SDK2: variants seen among roughly 807,000 people sequenced by gnomAD.
SDK2 encodes protein sidekick-2.
In SDK2, 105 loss-of-function variants were observed where a neutral mutation model predicts 253.9. That is an observed-to-expected ratio of 0.41 (90% confidence interval 0.35 to 0.49). The LOEUF (loss-of-function observed/expected upper bound fraction) is 0.49, where lower values mean the gene tolerates loss of function less well. Ranked by LOEUF, SDK2 falls within the 20% of genes least tolerant of loss-of-function variation. SDK2 has a pLI of 0.06. For missense variants in SDK2, 2,608 were observed against 3,003.0 expected, an observed-to-expected ratio of 0.87 and a Z score of 3.07; for synonymous variants, 1,249 against 1,234.9, an observed-to-expected ratio of 1.01 and a Z score of -0.24.
At chr17:73,355,801 C>A (rs2062587838) in intron 40 of SDK2, among the ~76,000 whole-genome samples, 1 of 152,218 alleles carries the variant, frequency 6.6e-6, no homozygotes, top group South Asian at 2.1e-4. Flanking sequence ...ATAAATGGAA[C>A]CTTTCCTCCC....
chr17:73,444,135 C>T (rs2063435208), intron 5 of SDK2, among the ~76,000 whole-genome samples: 2 of 152,142 alleles, frequency 1.3e-5, no homozygotes, highest in Admixed American at 1.3e-4. Context: ...CCTGCCTGTG[C>T]AGGGAAGAGC....
chr17:73,489,559 C>T (rs1327794930), intron 2 of SDK2, among the ~76,000 whole-genome samples: 4 of 152,148 alleles, frequency 2.6e-5, no homozygotes, highest in Admixed American at 2.6e-4. Flanking sequence ...ATTCACCAGG[C>T]TCTGGGTTTC....
chr17:73,575,172 T>C (rs1272850631), intron 1 of SDK2, among the ~76,000 whole-genome samples: 1 of 152,206 alleles, frequency 6.6e-6, no homozygotes, highest in Non-Finnish European at 1.5e-5. Context: ...GGCAGGCTGC[T>C]GAAGCTCCCT....
At chr17:73,575,981 G>A (rs989862388) in intron 1 of SDK2, among the ~76,000 whole-genome samples, 3 of 152,210 alleles carry the variant, frequency 2.0e-5, no homozygotes, top group African/African-American at 7.2e-5. Context: ...CTGAGCTGGG[G>A]GCCGTGGGGG....
intron 1 of SDK2, among the ~76,000 whole-genome samples, chr17:73,510,872 C>T (rs138431082): frequency 1.7e-3 from 257 of 152,316 alleles, no homozygotes; most frequent in African/African-American, 5.7e-3. Context: ...GTCAGGTGAA[C>T]GCAGCGTCTT....
intron 1 of SDK2, among the ~76,000 whole-genome samples, chr17:73,531,846 T>C (rs1452534930): frequency 1.3e-5 from 2 of 152,172 alleles, no homozygotes; most frequent in South Asian, 2.1e-4. Flanking sequence ...CCACACACCC[T>C]TTCCCCCAGG....
Position 73,447,838 on chromosome 17 carries a change from GACCAT to G in SDK2, c.480-95_480-91del. On this transcript the variant is annotated intron_variant, in intron 4 of 44. Transcript: ENST00000392650. This position sits in a 1 kb window ranked among gnomAD's most constrained non-coding sequence, Gnocchi z 4.0. ...AGTGGAAACCCTAAGGGGGAAGCCC[GACCAT>G]ATCTCCCAGTCCCCAGCCTCCCAGG... 6.8e-7 allele frequency: 1 copy of G among 1,461,232 alleles called. No homozygotes were observed. Among genetic ancestry groups the G allele is most frequent in the Non-Finnish European group, 9.3e-7 (1 of 1,073,116 alleles). The allele number at this position is 1,461,232 out of a possible 1,614,324, so 90.5% of individuals were successfully genotyped here.
chr17:73,402,194 C>T, intron 18 of SDK2, 53 bp from the exon 19 acceptor site: 2 of 1,560,014 alleles, frequency 1.3e-6, no homozygotes, highest in South Asian at 1.2e-5. Flanking sequence ...CCAGAGGAGG[C>T]CAAGCCCTCT....
chr17:73,600,373 T>C (rs1599715585), intron 1 of SDK2, among the ~76,000 whole-genome samples: 1 of 152,228 alleles, frequency 6.6e-6, no homozygotes, highest in Non-Finnish European at 1.5e-5. Context: ...ACAAGGGCAG[T>C]AATTTGTTCA....
chr17:73,405,053 G>T (rs777895400), intron 18 of SDK2, among the ~76,000 whole-genome samples: 8 of 149,132 alleles, frequency 5.4e-5, no homozygotes, highest in Non-Finnish European at 1.0e-4. Context: ...TTTCAGGGAG[G>T]AGCAGGTGAA....
rs112593359 is a variant in SDK2 at position 73,465,498 on chromosome 17, G to C, written c.331+6614C>G. The stretch of plus-strand genomic sequence containing the variant: ...CGAGGTCCTCTGCCACCTCCGGAAG[G>C]CTCTCCCAACCCTCTTAGCCATTCA... On this transcript the variant is annotated intron_variant, in intron 3 of 44. Coordinates refer to ENST00000392650, the MANE Select transcript of SDK2 (RefSeq NM_001144952.2). The surrounding 1 kb of genome is among the most constrained non-coding windows in gnomAD (Gnocchi z 4.2). Among the ~76,000 whole-genome samples, 1 of 151,996 alleles carries C rather than the reference G, an allele frequency of 6.6e-6. No individual in the cohort carries two copies. The highest frequency in any genetic ancestry group is 1.5e-5 in the Non-Finnish European group (1 of 68,022).
intron 1 of SDK2, among the ~76,000 whole-genome samples, chr17:73,622,161 AGAAGGCTTTGCCCAGG>A (rs1485547264): frequency 6.6e-6 from 1 of 152,256 alleles, no homozygotes; most frequent in Non-Finnish European, 1.5e-5. Context: ...CCCAAACTTC[AGAAGGCTTTGCCCAGG>A]CTCATTCCTG....
intron 1 of SDK2, among the ~76,000 whole-genome samples, chr17:73,636,505 T>C (rs1270700661): frequency 2.0e-5 from 3 of 151,748 alleles, no homozygotes; most frequent in African/African-American, 7.3e-5. Flanking sequence ...CTGGCCAACA[T>C]GGTGAAACCC....
chr17:73,500,294 A>G (rs559128869), intron 2 of SDK2, among the ~76,000 whole-genome samples: 1 of 72,482 alleles, frequency 1.4e-5, no homozygotes, highest in Non-Finnish European at 2.6e-5. Context: ...TCCTCCTTCC[A>G]TCTCCTCCAT....
chr17:73,542,055 T>C (rs1452135994), intron 1 of SDK2, among the ~76,000 whole-genome samples: 1 of 152,216 alleles, frequency 6.6e-6, no homozygotes, highest in Non-Finnish European at 1.5e-5. Flanking sequence ...AACTGCCAAG[T>C]GTCATACAAT....
At chr17:73,550,115 C>CA (rs758894523) in intron 1 of SDK2, among the ~76,000 whole-genome samples, 5 of 152,184 alleles carry the variant, frequency 3.3e-5, no homozygotes, top group Non-Finnish European at 7.3e-5. Context: ...CCCTTTCCTG[C>CA]ATGGCAGGTC....
intron 1 of SDK2, among the ~76,000 whole-genome samples, chr17:73,601,708 G>A (rs1201394207): frequency 1.3e-5 from 2 of 151,910 alleles, no homozygotes; most frequent in East Asian, 1.9e-4. Flanking sequence ...CCCTGCCGAC[G>A]ACACCTTGAT....
At chr17:73,451,970 C>G (rs868640885) in intron 4 of SDK2, among the ~76,000 whole-genome samples, 3 of 152,206 alleles carry the variant, frequency 2.0e-5, no homozygotes, top group African/African-American at 7.2e-5. Flanking sequence ...AGCCACACCC[C>G]CTGGTTTCAA....
intron 16 of SDK2, among the ~76,000 whole-genome samples, chr17:73,418,286 G>A (rs759526098): frequency 3.9e-5 from 6 of 152,202 alleles, no homozygotes; most frequent in African/African-American, 7.2e-5. Context: ...GATTACAGGC[G>A]TGAAACACCA....
Sources: gnomAD v4.1 joint callset for allele counts (sites outside exome capture counted in the v4.1 genomes callset) on GRCh38, gnomAD v4.1.1 for gene constraint, Gnocchi (gnomAD v3.1) non-coding constraint, MANE v1.5 for transcripts, NCBI Gene and HGNC (gene_info 2026-07-23, HGNC 2026-07-21) for gene names.